NAALADL2: variants seen among roughly 807,000 people sequenced by gnomAD.
NAALADL2 encodes the protein N-acetylated alpha-linked acidic dipeptidase like 2.
Under a neutral mutation model 87.2 loss-of-function variants are expected in NAALADL2, and 76 were observed. That is an observed-to-expected ratio of 0.87 (90% CI 0.72 to 1.05). NAALADL2 has a LOEUF of 1.05. Among genes scored for constraint, NAALADL2 ranks in the 50% least tolerant of loss-of-function variants. The probability of loss-of-function intolerance (pLI) is 0.00; values close to 1 mark genes in which losing one functional copy is unlikely to be tolerated. For missense variants in NAALADL2, 1,089 were observed against 945.8 expected, an observed-to-expected ratio of 1.15 and a Z score of -1.99; for synonymous variants, 354 against 331.0, an observed-to-expected ratio of 1.07 and a Z score of -0.75.
intron 11 of NAALADL2, among the ~76,000 whole-genome samples, chr3:175,731,701 G>A (rs1442738229): frequency 6.6e-6 from 1 of 152,136 alleles, no homozygotes; most frequent in African/African-American, 2.4e-5. Context: ...TGTGGGCCAG[G>A]TGTTTCTGAA....
At chr3:175,475,083 A>G (rs1193763740) in intron 9 of NAALADL2, among the ~76,000 whole-genome samples, 1 of 151,586 alleles carries the variant, frequency 6.6e-6, no homozygotes, top group African/African-American at 2.4e-5. Context: ...TATATATTAT[A>G]TATTTATTTC....
intron 11 of NAALADL2, among the ~76,000 whole-genome samples, chr3:175,726,922 A>G (rs773984691): frequency 6.6e-6 from 1 of 152,124 alleles, no homozygotes; most frequent in Non-Finnish European, 1.5e-5. Context: ...TTCTTCTTCA[A>G]TGCCCTCTTC....
intron 9 of NAALADL2, among the ~76,000 whole-genome samples, chr3:175,506,288 A>G (rs1376179727): frequency 6.6e-6 from 1 of 152,244 alleles, no homozygotes; most frequent in Non-Finnish European, 1.5e-5. Context: ...TGCACTACAC[A>G]TGCATCATCC....
At chr3:175,404,814 AT>A (rs1712006069) in intron 5 of NAALADL2, among the ~76,000 whole-genome samples, 1 of 152,160 alleles carries the variant, frequency 6.6e-6, no homozygotes, top group Admixed American at 6.6e-5. Flanking sequence ...CTTTACTACT[AT>A]CCATGTGGTG....
At chr3:175,646,315 A>G (rs1291034302) in intron 11 of NAALADL2, among the ~76,000 whole-genome samples, 1 of 152,086 alleles carries the variant, frequency 6.6e-6, no homozygotes, top group Non-Finnish European at 1.5e-5. Context: ...ATGTTCCTAC[A>G]TATTCAAAAT....
chr3:174,614,405 G>C (rs1399147836), intron 2 of NAALADL2, among the ~76,000 whole-genome samples: 4 of 152,184 alleles, frequency 2.6e-5, no homozygotes, highest in Non-Finnish European at 5.9e-5. Context: ...GGGTAGGGCT[G>C]GTTCAAATGC....
Position 175,588,728 on chromosome 3 carries a change from T to C in NAALADL2, c.1800+12541T>C, listed in dbSNP as rs374164626. On this transcript the variant is annotated intron_variant, in intron 10 of 13. Coordinates refer to ENST00000454872, the MANE Select transcript of NAALADL2 (RefSeq NM_207015.3). ...TAATGTTTTGTATTTTTGGTAGAGA[T>C]GGGGTTTCACCGTGTTAGCCAGGAT... Among the ~76,000 whole-genome samples the C allele has an allele frequency of 2.1e-3, 313 of 152,024 alleles. 1 individual carries two copies. The East Asian group carries it at 0.03, about 14-fold the overall frequency.
chr3:175,732,366 T>C (rs953290288), intron 11 of NAALADL2, among the ~76,000 whole-genome samples: 1 of 152,208 alleles, frequency 6.6e-6, no homozygotes, highest in Non-Finnish European at 1.5e-5. Flanking sequence ...TTTAGACCAT[T>C]CTTCTCATGA....
intron 10 of NAALADL2, among the ~76,000 whole-genome samples, chr3:175,602,137 A>G (rs1723049986): frequency 6.6e-6 from 1 of 152,122 alleles, no homozygotes; most frequent in Non-Finnish European, 1.5e-5. Context: ...TGTGAATTTG[A>G]AAGTCTTCTT....
At position 175,742,418 on chromosome 3, in the gene NAALADL2, G is replaced by T. The variant is rs191072370; in HGVS notation, c.1990+5019G>T. Among the ~76,000 whole-genome samples the T allele has an allele frequency of 5.9e-5, 9 of 152,278 alleles. No homozygotes were observed. In the East Asian group the frequency reaches 1.7e-3, roughly 29 times the overall value. On this transcript the variant is annotated intron_variant, in intron 12 of 13. Coordinates refer to ENST00000454872, the MANE Select transcript of NAALADL2 (RefSeq NM_207015.3). ...TTTTGTTTGTTTGTTTGTTTTCTGAGACGGAGTCTCGCTCTGTCACCCAGG... is the reference window on the plus strand; with the variant it reads ...TTTTGTTTGTTTGTTTGTTTTCTGATACGGAGTCTCGCTCTGTCACCCAGG...
intron 2 of NAALADL2, among the ~76,000 whole-genome samples, chr3:175,099,303 G>A (rs1420846703): frequency 1.3e-5 from 2 of 152,140 alleles, no homozygotes; most frequent in Non-Finnish European, 2.9e-5. Context: ...AATCAACAAA[G>A]TAACATGTAT....
intron 1 of NAALADL2, among the ~76,000 whole-genome samples, chr3:175,024,239 A>G (rs987017369): frequency 2.0e-5 from 3 of 152,066 alleles, no homozygotes; most frequent in Non-Finnish European, 4.4e-5. Context: ...GGAACAATCT[A>G]TATTAAAATT....
chr3:175,101,197 AATTT>A (rs1172800039), intron 2 of NAALADL2, among the ~76,000 whole-genome samples: 47 of 152,212 alleles, frequency 3.1e-4, no homozygotes, highest in Admixed American at 3.1e-3. Context: ...ATCCTTTTGC[AATTT>A]ATTCTAGCTT....
At chr3:175,107,686 T>C (rs1281818677) in intron 2 of NAALADL2, among the ~76,000 whole-genome samples, 3 of 151,956 alleles carry the variant, frequency 2.0e-5, no homozygotes, top group Admixed American at 6.6e-5. Flanking sequence ...TAACTAATAA[T>C]ATGAAAAATT....
intron 2 of NAALADL2, among the ~76,000 whole-genome samples, chr3:175,140,751 G>A (rs9841578): frequency 0.11 from 16,736 of 152,186 alleles, 2,504 homozygotes; most frequent in African/African-American, 0.34. Context: ...CATGTAAAGA[G>A]GTTTGGACTT....
At chr3:175,177,225 T>A (rs983271667) in intron 2 of NAALADL2, among the ~76,000 whole-genome samples, 1 of 152,100 alleles carries the variant, frequency 6.6e-6, no homozygotes, top group African/African-American at 2.4e-5. Context: ...CCATTATACC[T>A]GTCCCCTACC....
At chr3:175,514,124 A>T (rs1024159871) in intron 9 of NAALADL2, among the ~76,000 whole-genome samples, 2 of 152,218 alleles carry the variant, frequency 1.3e-5, no homozygotes, top group Admixed American at 6.5e-5. Context: ...GGTCATGGTT[A>T]AGATTAATGT....
intron 2 of NAALADL2, among the ~76,000 whole-genome samples, chr3:175,123,667 A>T (rs559673335): frequency 6.6e-6 from 1 of 151,848 alleles, no homozygotes. Context: ...TCTGCCTTAC[A>T]TCCCCTCTTC....
chr3:175,408,842 G>T (rs1041549968), intron 5 of NAALADL2, among the ~76,000 whole-genome samples: 1 of 151,912 alleles, frequency 6.6e-6, no homozygotes, highest in Admixed American at 6.6e-5. Flanking sequence ...TCACATGCTG[G>T]AATAGGTAGT....
Sources: allele counts gnomAD v4.1 joint callset (sites outside exome capture counted in the v4.1 genomes callset), GRCh38; gene constraint gnomAD v4.1.1; transcripts MANE v1.5; gene names NCBI Gene and HGNC (gene_info 2026-07-23, HGNC 2026-07-21).